Variants in CFAP58 observed in about 807,000 individuals in gnomAD.
CFAP58 encodes the protein cilia and flagella associated protein 58.
Under a neutral mutation model 119.5 loss-of-function variants are expected in CFAP58, and 88 were observed. That is an observed-to-expected ratio of 0.74 (90% CI 0.62 to 0.88). The LOEUF (loss-of-function observed/expected upper bound fraction) is 0.88. Among genes scored for constraint, CFAP58 ranks in the 40% least tolerant of loss-of-function variants. The pLI, the probability that CFAP58 is intolerant of heterozygous loss-of-function variation, is 0.00. For synonymous variants in CFAP58, 365 were observed against 366.3 expected (o/e 1.00, Z 0.04); for missense variants, 990 against 1,021.2 (o/e 0.97, Z 0.42).
intron 15 of CFAP58, among the ~76,000 whole-genome samples, chr10:104,417,001 G>T (rs1312854452): frequency 6.6e-6 from 1 of 152,218 alleles, no homozygotes; most frequent in Non-Finnish European, 1.5e-5. Context: ...AGTGGCACTG[G>T]CATCTCTGAG....
chr10:104,449,345 T>G (rs963096834), intron 16 of CFAP58, among the ~76,000 whole-genome samples: 3 of 152,200 alleles, frequency 2.0e-5, no homozygotes, highest in African/African-American at 7.2e-5. Context: ...TCCAGCCTAT[T>G]GCATGCCTGT....
At chr10:104,435,129 C>T (rs942860996) in intron 15 of CFAP58, among the ~76,000 whole-genome samples, 5 of 152,232 alleles carry the variant, frequency 3.3e-5, no homozygotes, top group East Asian at 3.9e-4. Context: ...TCCATCAGCA[C>T]GTGTTTTGTG....
chr10:104,404,430 TAAAGAC>T (rs372378080), intron 14 of CFAP58, among the ~76,000 whole-genome samples: 8 of 152,172 alleles, frequency 5.3e-5, no homozygotes, highest in African/African-American at 1.9e-4. Flanking sequence ...AAATGACAGT[TAAAGAC>T]AAACTCTTGC....
At chr10:104,417,797 T>C (rs950197644) in intron 15 of CFAP58, among the ~76,000 whole-genome samples, 11 of 152,232 alleles carry the variant, frequency 7.2e-5, no homozygotes, top group African/African-American at 2.7e-4. Flanking sequence ...ATGCTGCTGT[T>C]GTTTCATTTC....
At chr10:104,411,577 G>T (rs549478773) in intron 15 of CFAP58, among the ~76,000 whole-genome samples, 19 of 152,144 alleles carry the variant, frequency 1.2e-4, no homozygotes, top group Admixed American at 4.6e-4. Flanking sequence ...GAATGGTTCA[G>T]GTTAAGGGTA....
In CFAP58 at chr10:104,377,002, G is replaced by T. The variant is rs1198628400; in HGVS notation, c.1173+109G>T. ...GAAAACTCCGAGGCAAACAAAAGTGGATTAGAATAAATAATAGTGCTTAAT... is the reference window on the plus strand; with the variant it reads ...GAAAACTCCGAGGCAAACAAAAGTGTATTAGAATAAATAATAGTGCTTAAT... On this transcript the variant is annotated intron_variant, in intron 8 of 17. Coordinates refer to ENST00000369704, the MANE Select transcript of CFAP58 (RefSeq NM_001008723.2). The T allele has an allele frequency of 5.2e-6, 4 of 767,174 alleles. No homozygotes were observed. The East Asian group carries it at 1.1e-4, about 21-fold the overall frequency. 47.5% of individuals were successfully genotyped at this position (767,174 alleles called of 1,614,324 possible). A position where few individuals can be genotyped will look rare whatever the true frequency, so the allele number is the denominator to read the frequency against.
Position 104,389,186 on chromosome 10 carries a change from C to T in CFAP58, c.1366-3047C>T, listed in dbSNP as rs138038526. Among the ~76,000 whole-genome samples, 798 of 152,262 alleles carry T rather than the reference C, an allele frequency of 5.2e-3. 10 individuals are homozygous for T. In the South Asian group the frequency reaches 0.052, roughly 10 times the overall value. ...ATTTCCATAAAAATAAACCGAGTCC[C>T]AACACTTAGAAATACATTGCTTGTA... On this transcript the variant is annotated intron_variant, in intron 9 of 17. Transcript: ENST00000369704.
intron 9 of CFAP58, among the ~76,000 whole-genome samples, chr10:104,383,671 G>A (rs1403379189): frequency 3.3e-5 from 5 of 151,850 alleles, no homozygotes; most frequent in African/African-American, 9.7e-5. Flanking sequence ...CAGTTGCTAC[G>A]CAACTTGTGC....
rs575301308 is a variant in CFAP58, at chr10:104,376,640, G to C, written c.1091-171G>C. Among the ~76,000 whole-genome samples, 5 of 152,204 alleles carry C rather than the reference G, an allele frequency of 3.3e-5. No homozygotes were observed. In the East Asian group the frequency reaches 9.7e-4, roughly 29 times the overall value. The stretch of plus-strand genomic sequence containing the variant: ...GCCTCAGTTTCCATCTCTTTAGTGA[G>C]AGAGGGAGACCTACCTCACTTGGTT... On this transcript the variant is annotated intron_variant, in intron 7 of 17. Transcript: ENST00000369704.
At chr10:104,419,446 G>T (rs2012617673) in intron 15 of CFAP58, among the ~76,000 whole-genome samples, 1 of 152,164 alleles carries the variant, frequency 6.6e-6, no homozygotes, top group Non-Finnish European at 1.5e-5. Context: ...CAGGAGAAAT[G>T]ATACGGTCCC....
At chr10:104,453,243 T>C (rs2013222867) in intron 17 of CFAP58, among the ~76,000 whole-genome samples, 1 of 152,178 alleles carries the variant, frequency 6.6e-6, no homozygotes, top group African/African-American at 2.4e-5. Context: ...TTTGTTTTGC[T>C]GGATCCACTC....
At chr10:104,339,803 G>A in the CFAP58 span, among the ~76,000 whole-genome samples, 4 of 152,144 alleles carry the variant, frequency 2.6e-5, no homozygotes, top group Admixed American at 2.6e-4. Context: ...TGTTGGAGGT[G>A]GTGGGGGCGA....
chr10:104,396,464 A>AAG (rs60164543), intron 11 of CFAP58, among the ~76,000 whole-genome samples: 2 of 108,000 alleles, frequency 1.9e-5, no homozygotes, highest in African/African-American at 6.4e-5. Flanking sequence ...AAGAAAGAGA[A>AAG]AGAGAGAGAG....
At chr10:104,392,574 A>G (rs2012069236) in intron 10 of CFAP58, among the ~76,000 whole-genome samples, 180 bp downstream of exon 10, 1 of 151,870 alleles carries the variant, frequency 6.6e-6, no homozygotes, top group South Asian at 2.1e-4. Flanking sequence ...ACACATCTTA[A>G]TAGGATGTGG....
chr10:104,425,487 C>T (rs958963477), intron 15 of CFAP58, among the ~76,000 whole-genome samples: 3 of 152,156 alleles, frequency 2.0e-5, no homozygotes, highest in Non-Finnish European at 2.9e-5. Flanking sequence ...TGACAATGAC[C>T]GTAACTCCCA....
intron 9 of CFAP58, among the ~76,000 whole-genome samples, chr10:104,383,840 A>C (rs1471525325): frequency 6.6e-6 from 1 of 152,094 alleles, no homozygotes; most frequent in Non-Finnish European, 1.5e-5. Context: ...AGTATTGAGA[A>C]ATAATATCAA....
intron 3 of CFAP58, among the ~76,000 whole-genome samples, chr10:104,364,013 A>T (rs2014706393): frequency 6.6e-6 from 1 of 152,236 alleles, no homozygotes; most frequent in Non-Finnish European, 1.5e-5. Context: ...CTGGTTTACA[A>T]TTCAAATCAA....
upstream of CFAP58, among the ~76,000 whole-genome samples, chr10:104,350,105 G>A (rs762178758): frequency 6.6e-5 from 10 of 152,152 alleles, no homozygotes; most frequent in Admixed American, 4.6e-4. Context: ...GGGAGTGTTG[G>A]CGTGCACAAT....
intron 9 of CFAP58, among the ~76,000 whole-genome samples, chr10:104,388,024 C>G (rs2011959069): frequency 6.6e-6 from 1 of 152,086 alleles, no homozygotes; most frequent in South Asian, 2.1e-4. Flanking sequence ...AAATATTGTC[C>G]ACTAGATAGA....
Sources: gnomAD v4.1 joint callset for allele counts (sites outside exome capture counted in the v4.1 genomes callset) on GRCh38, gnomAD v4.1.1 for gene constraint, MANE v1.5 for transcripts, NCBI Gene and HGNC (gene_info 2026-07-23, HGNC 2026-07-21) for gene names.